The following CDH13 variants were observed in gnomAD, a reference collection of about 807,000 sequenced individuals.
CDH13 encodes the protein cadherin 13, also known as cadherin-13.
A neutral mutation model predicts 63.8 loss-of-function variants in CDH13; 24 were observed. The observed-to-expected ratio is 0.38, with a 90% CI of 0.27 to 0.53. CDH13 has a LOEUF of 0.53. Ranked by LOEUF, CDH13 falls within the 20% of genes least tolerant of loss-of-function variation. The pLI, the probability that CDH13 is intolerant of heterozygous loss-of-function variation, is 0.85. For missense variants in CDH13, 1,049 were observed against 903.1 expected (o/e 1.16, Z -2.07); for synonymous variants, 503 against 355.3 (o/e 1.42, Z -4.67).
intron 10 of CDH13, among the ~76,000 whole-genome samples, chr16:83,681,924 C>G (rs1169733215): frequency 6.6e-6 from 1 of 152,152 alleles, no homozygotes; most frequent in Non-Finnish European, 1.5e-5. Context: ...GGAGCAGGCA[C>G]TGGAAGAAGA....
rs778498316 is a variant in CDH13, at chr16:83,125,383, A to C, written c.367-2A>C. On this transcript the variant is annotated splice_acceptor_variant, in intron 3 of 13. Transcript: ENST00000567109. LOFTEE classifies it high-confidence loss of function. ...AATCAATCCTTTTGTTTTCCCTTTT[A>C]GGATATATTTAAATTTGCAAGAACT... The C allele has an allele frequency of 6.8e-7, 1 of 1,474,078 alleles. No homozygotes were observed. The highest frequency in any genetic ancestry group is 9.5e-7 in the Non-Finnish European group (1 of 1,053,140). The allele number at this position is 1,474,078 out of a possible 1,614,324, so 91.3% of individuals were successfully genotyped here.
At chr16:83,501,862 T>A (rs1194137812) in intron 7 of CDH13, among the ~76,000 whole-genome samples, 5 of 152,258 alleles carry the variant, frequency 3.3e-5, no homozygotes, top group Non-Finnish European at 1.5e-5. Context: ...TCATTGCTCC[T>A]GGACTTTTCA....
At chr16:83,386,912 A>C (rs1254346654) in intron 6 of CDH13, among the ~76,000 whole-genome samples, 1 of 152,124 alleles carries the variant, frequency 6.6e-6, no homozygotes, top group Non-Finnish European at 1.5e-5. Flanking sequence ...GGTCCACCCC[A>C]CCTTTTCCAT....
At chr16:82,943,600 G>A (rs911043032) in intron 2 of CDH13, among the ~76,000 whole-genome samples, 1 of 152,166 alleles carries the variant, frequency 6.6e-6, no homozygotes, top group Non-Finnish European at 1.5e-5. Flanking sequence ...TATGTCTGAT[G>A]CAATATCTGT....
At chr16:83,104,713 A>C (rs1477835320) in intron 3 of CDH13, among the ~76,000 whole-genome samples, 1 of 152,114 alleles carries the variant, frequency 6.6e-6, no homozygotes, top group African/African-American at 2.4e-5. Context: ...GTCGTAGGAG[A>C]TATTTAAGAA....
At position 83,797,561 on chromosome 16, in the gene CDH13, C is replaced by T. The variant is rs1011574866; in HGVS notation, c.*2531C>T. The T allele has an allele frequency of 6.6e-6, 1 of 152,088 alleles. No individual in the cohort carries two copies. The highest frequency in any genetic ancestry group is 6.5e-5 in the Admixed American group (1 of 15,268). 9.4% of individuals were successfully genotyped at this position (152,088 alleles called of 1,614,324 possible). A position where few individuals can be genotyped will look rare whatever the true frequency, so the allele number is the denominator to read the frequency against. ...GGAAAATAAACCAATTCTTATAGGC[C>T]AAAGTGGTAGCATTTCCTGAATCAT... On this transcript the variant is annotated 3_prime_UTR_variant, in exon 14 of 14. Transcript: ENST00000567109.
chr16:83,193,915 C>G (rs779966794), intron 4 of CDH13, among the ~76,000 whole-genome samples: 3 of 152,136 alleles, frequency 2.0e-5, no homozygotes, highest in Non-Finnish European at 2.9e-5. Context: ...AGTAAGTTGC[C>G]TGTCCCAAAG....
At chr16:82,645,939 C>T (rs957512149) in intron 1 of CDH13, among the ~76,000 whole-genome samples, 2 of 152,196 alleles carry the variant, frequency 1.3e-5, no homozygotes, top group Non-Finnish European at 2.9e-5. Flanking sequence ...GGTTAATGTT[C>T]ATCATGCCTA....
intron 1 of CDH13, among the ~76,000 whole-genome samples, chr16:82,813,157 T>C (rs2037529140): frequency 6.6e-6 from 1 of 152,120 alleles, no homozygotes; most frequent in Admixed American, 6.6e-5. Flanking sequence ...AGGTGTTCAG[T>C]TGATGTTTTT....
At chr16:82,902,076 T>C (rs1452542262) in intron 2 of CDH13, among the ~76,000 whole-genome samples, 1 of 152,210 alleles carries the variant, frequency 6.6e-6, no homozygotes, top group African/African-American at 2.4e-5. Context: ...AAACTTGGGC[T>C]GTTTGCCTAT....
chr16:82,790,161 G>C (rs8055401), intron 1 of CDH13, among the ~76,000 whole-genome samples: 1,723 of 152,194 alleles, frequency 0.011, 35 homozygotes, highest in African/African-American at 0.039. Flanking sequence ...TATAGGCCAG[G>C]CGCGGTATCT....
chr16:83,555,971 C>T (rs2075592844), intron 7 of CDH13, among the ~76,000 whole-genome samples: 1 of 152,148 alleles, frequency 6.6e-6, no homozygotes, highest in African/African-American at 2.4e-5. Context: ...AAGCTATGGC[C>T]TGGGGGAAGT....
chr16:83,583,860 T>A (rs979008717), intron 7 of CDH13, among the ~76,000 whole-genome samples: 1 of 152,050 alleles, frequency 6.6e-6, no homozygotes, highest in African/African-American at 2.4e-5. Flanking sequence ...GAGGTTGCAG[T>A]GAGCTGAGAT....
At chr16:82,881,534 G>C (rs1303026295) in intron 2 of CDH13, among the ~76,000 whole-genome samples, 1 of 152,176 alleles carries the variant, frequency 6.6e-6, no homozygotes, top group Non-Finnish European at 1.5e-5. Context: ...TGACCTTAGA[G>C]GAAAAGACTG....
intron 13 of CDH13, among the ~76,000 whole-genome samples, chr16:83,787,270 G>A (rs1320802791): frequency 6.6e-6 from 1 of 152,170 alleles, no homozygotes; most frequent in Non-Finnish European, 1.5e-5. Flanking sequence ...GGCTTTGTGG[G>A]CCATATTAGT....
chr16:83,324,125 C>T (rs541599897), intron 5 of CDH13, among the ~76,000 whole-genome samples: 34 of 151,844 alleles, frequency 2.2e-4, no homozygotes, highest in Non-Finnish European at 4.1e-4. Context: ...GCAACCTCCA[C>T]CTCCCAGGTT....
intron 6 of CDH13, among the ~76,000 whole-genome samples, chr16:83,435,499 T>G (rs1166870839): frequency 6.6e-6 from 1 of 152,274 alleles, no homozygotes. Context: ...TCTGATGTGG[T>G]TCAGCCCTGC....
intron 6 of CDH13, among the ~76,000 whole-genome samples, chr16:83,482,943 C>T (rs2073806013): frequency 6.6e-6 from 1 of 152,178 alleles, no homozygotes; most frequent in Non-Finnish European, 1.5e-5. Context: ...CCATAATTGG[C>T]TCAGAACCCA....
At chr16:83,328,792 A>G (rs2090423735) in intron 5 of CDH13, among the ~76,000 whole-genome samples, 1 of 152,146 alleles carries the variant, frequency 6.6e-6, no homozygotes, top group South Asian at 2.1e-4. Context: ...CTAGTAGCTG[A>G]TGTTGATTCC....
Sources: gnomAD v4.1 joint callset for allele counts (sites outside exome capture counted in the v4.1 genomes callset) on GRCh38, gnomAD v4.1.1 for gene constraint, MANE v1.5 for transcripts, NCBI Gene and HGNC (gene_info 2026-07-23, HGNC 2026-07-21) for gene names.